The following CCDC141 variants were observed in gnomAD, a reference collection of about 807,000 sequenced individuals.
CCDC141 encodes the protein coiled-coil domain containing 141, also known as coiled-coil domain-containing protein 141.
In CCDC141, 168 loss-of-function variants were observed where a neutral mutation model predicts 181.0. That is an observed-to-expected ratio of 0.93 (90% CI 0.82 to 1.05). The LOEUF is 1.05. CCDC141 is among the 50% of genes least tolerant of loss of function. CCDC141 has a pLI of 0.00. For synonymous variants in CCDC141, 666 were observed against 642.3 expected (o/e 1.04, Z -0.56); for missense variants, 1,902 against 1,788.5 (o/e 1.06, Z -1.14).
intron 4 of CCDC141, among the ~76,000 whole-genome samples, chr2:178,974,436 C>T (rs370510730): frequency 6.6e-6 from 1 of 152,284 alleles, no homozygotes; most frequent in East Asian, 1.9e-4. Context: ...AATGCGTTTC[C>T]CTACTCCACT....
At chr2:178,865,969 C>A in intron 16 of CCDC141, 53 bp from the exon 17 acceptor site, 1 of 1,309,880 alleles carries the variant, frequency 7.6e-7, no homozygotes, top group Non-Finnish European at 9.9e-7. Flanking sequence ...AGCAATAAGA[C>A]GAGTAGGCTA....
chr2:178,970,157 G>A (rs1009212746), intron 4 of CCDC141, among the ~76,000 whole-genome samples: 15 of 152,126 alleles, frequency 9.9e-5, no homozygotes, highest in Non-Finnish European at 1.3e-4. Flanking sequence ...CCATGCTCAC[G>A]GATAGGAAGA....
chr2:179,023,938 G>A (rs1440953149), intron 2 of CCDC141, among the ~76,000 whole-genome samples: 1 of 152,146 alleles, frequency 6.6e-6, no homozygotes, highest in African/African-American at 2.4e-5. Flanking sequence ...CCATGCTTGT[G>A]TAAGTACCAC....
In CCDC141 at chr2:179,041,257, A is replaced by T. The variant is rs190238725; in HGVS notation, c.225+6027T>A. Among the ~76,000 whole-genome samples, 218 of 151,928 alleles carry T rather than the reference A, an allele frequency of 1.4e-3. 1 individual carries two copies. The highest frequency in any genetic ancestry group is 4.8e-3 in the African/African-American group (199 of 41,450). On this transcript the variant is annotated intron_variant, in intron 2 of 23. Transcript: ENST00000443758. ...AGGCGCCCACCACCACGCCTAGCTAATTTTTTGTATTTTTAATAGAGACGG... is the reference window on the plus strand; with the variant it reads ...AGGCGCCCACCACCACGCCTAGCTATTTTTTTGTATTTTTAATAGAGACGG...
intron 5 of CCDC141, among the ~76,000 whole-genome samples, chr2:178,959,157 G>A (rs7594276): frequency 2.0e-5 from 3 of 151,986 alleles, no homozygotes; most frequent in East Asian, 1.9e-4. Context: ...GTGGGGGAAG[G>A]GGGGAGGGAT....
At chr2:178,904,952 A>C (rs1051072904) in intron 8 of CCDC141, among the ~76,000 whole-genome samples, 1 of 152,204 alleles carries the variant, frequency 6.6e-6, no homozygotes, top group African/African-American at 2.4e-5. Context: ...AGTAAGAAAA[A>C]GACAGGACAG....
At position 179,004,423 on chromosome 2, in the gene CCDC141, A is replaced by C. The variant is rs145552024; in HGVS notation, c.226-25748T>G. ...ATCATACAATGCATACAAATGATCA[A>C]TTTTTAAGAATAATAGTCGTTTGCT... On this transcript the variant is annotated intron_variant, in intron 2 of 23. Transcript: ENST00000443758. Among the ~76,000 whole-genome samples the C allele has an allele frequency of 3.3e-3, 505 of 152,306 alleles. 5 individuals carry two copies. Among genetic ancestry groups the C allele is most frequent in the African/African-American group, 0.012 (488 of 41,566 alleles).
chr2:178,843,199 T>C (rs1262191124), intron 22 of CCDC141, among the ~76,000 whole-genome samples: 2 of 152,154 alleles, frequency 1.3e-5, no homozygotes, highest in South Asian at 2.1e-4. Flanking sequence ...GCGGGAAAAG[T>C]GTATGGCTAA....
chr2:178,985,905 C>G (rs1691706453), intron 2 of CCDC141, among the ~76,000 whole-genome samples: 3 of 152,166 alleles, frequency 2.0e-5, no homozygotes, highest in Admixed American at 2.0e-4. Flanking sequence ...GGAACTGGTA[C>G]CATTCCTTCT....
chr2:178,868,839 A>T (rs985351629), intron 15 of CCDC141, among the ~76,000 whole-genome samples: 1 of 152,196 alleles, frequency 6.6e-6, no homozygotes, highest in African/African-American at 2.4e-5. Context: ...TAGGATTTAG[A>T]TAAGAGGGAG....
chr2:178,972,800 TTC>T (rs1478304804), intron 4 of CCDC141, among the ~76,000 whole-genome samples: 1 of 152,182 alleles, frequency 6.6e-6, no homozygotes, highest in Non-Finnish European at 1.5e-5. Flanking sequence ...TTCTGAAACA[TTC>T]CAGGGGGCAG....
chr2:178,915,529 A>C (rs1303578488), intron 7 of CCDC141, among the ~76,000 whole-genome samples: 2 of 152,250 alleles, frequency 1.3e-5, no homozygotes, highest in Non-Finnish European at 2.9e-5. Context: ...ACGAATTTGG[A>C]ACAAGAAGTT....
intron 4 of CCDC141, among the ~76,000 whole-genome samples, chr2:178,961,984 T>C (rs1253357873): frequency 2.0e-5 from 3 of 152,198 alleles, no homozygotes; most frequent in South Asian, 2.1e-4. Context: ...TGGCGAACAG[T>C]TGACATGAGG....
Position 178,869,306 on chromosome 2 carries a change from C to T in CCDC141, c.2206-1G>A. On this transcript the variant is annotated splice_acceptor_variant, in intron 14 of 23. Transcript: ENST00000443758. LOFTEE classifies it high-confidence loss of function. ...TGTACTGAACCTCATCATTCAATTG[C>T]TAAAACATTGAAAGCAATAAAAAAA... 6.4e-7 allele frequency: 1 copy of T among 1,569,450 alleles called. No homozygotes were observed. The highest frequency in any genetic ancestry group is 8.6e-7 in the Non-Finnish European group (1 of 1,164,508).
intron 14 of CCDC141, among the ~76,000 whole-genome samples, 191 bp from the exon 15 acceptor site, chr2:178,869,496 G>A (rs992801493): frequency 7.9e-5 from 12 of 152,122 alleles, no homozygotes; most frequent in African/African-American, 2.7e-4. Context: ...ATACTCACCT[G>A]AGAAATTTAC....
intron 17 of CCDC141, among the ~76,000 whole-genome samples, chr2:178,860,700 CTT>C (rs1685573983): frequency 6.6e-6 from 1 of 151,640 alleles, no homozygotes; most frequent in Non-Finnish European, 1.5e-5. Flanking sequence ...CAGGACAAGA[CTT>C]TTTGGCCTCC....
chr2:178,869,144 C>G lies in CCDC141; in HGVS notation c.2367G>C (p.Val789=), dbSNP rs759673027. The part of the protein sequence containing the change: ...IQDYEDILYK[V]VQFHQVKEEL... Reference sequence around the variant, plus strand: ...CTTCCTTGACTTGATGGAACTGGACCACCTTGTACAGGATATCCTCGTAAT... The same window carrying G: ...CTTCCTTGACTTGATGGAACTGGACGACCTTGTACAGGATATCCTCGTAAT... Residue 789 remains valine (V), a synonymous_variant, in exon 15 of 24, where the codon GTG becomes GTC. Coordinates refer to ENST00000443758, the MANE Select transcript of CCDC141 (RefSeq NM_173648.4). The G allele has an allele frequency of 1.2e-6, 2 of 1,602,906 alleles. No individual in the cohort carries two copies. Among genetic ancestry groups the G allele is most frequent in the Non-Finnish European group, 1.7e-6 (2 of 1,176,216 alleles).
chr2:178,995,415 A>G (rs189596287), intron 2 of CCDC141, among the ~76,000 whole-genome samples: 96 of 152,282 alleles, frequency 6.3e-4, no homozygotes, highest in African/African-American at 2.2e-3. Context: ...ACCTGCTCCC[A>G]TGATTCAATT....
intron 2 of CCDC141, among the ~76,000 whole-genome samples, chr2:179,022,627 T>C (rs767387232): frequency 1.3e-5 from 2 of 152,234 alleles, no homozygotes; most frequent in African/African-American, 2.4e-5. Flanking sequence ...ACGATCAGTG[T>C]CTTTCATCTG....
Sources: gnomAD v4.1 joint callset for allele counts (sites outside exome capture counted in the v4.1 genomes callset) on GRCh38, gnomAD v4.1.1 for gene constraint, MANE v1.5 for transcripts, NCBI Gene and HGNC (gene_info 2026-07-23, HGNC 2026-07-21) for gene names.